ATP8B4: variants seen among roughly 807,000 people sequenced by gnomAD.
ATP8B4 encodes the protein ATPase phospholipid transporting 8B4 (putative).
A neutral mutation model predicts 145.6 loss-of-function variants in ATP8B4; 133 were observed. The observed-to-expected ratio is 0.91, with a 90% CI of 0.79 to 1.05. ATP8B4 has a LOEUF of 1.05. ATP8B4 is among the 50% of genes least tolerant of loss of function. The pLI is 0.00. For missense variants in ATP8B4, 1,458 were observed against 1,425.2 expected (o/e 1.02, Z -0.37); for synonymous variants, 507 against 492.9 (o/e 1.03, Z -0.38).
At chr15:50,166,270 AG>A (rs1400984363) in intron 1 of ATP8B4, among the ~76,000 whole-genome samples, 1 of 152,216 alleles carries the variant, frequency 6.6e-6, no homozygotes, top group Non-Finnish European at 1.5e-5. Context: ...AAGAAATGTT[AG>A]GGGAAATTCC....
At chr15:49,955,256 A>G (rs1450735670) in intron 14 of ATP8B4, among the ~76,000 whole-genome samples, 1 of 152,202 alleles carries the variant, frequency 6.6e-6, no homozygotes, top group Admixed American at 6.5e-5. Context: ...GTTCAACTGT[A>G]TCCCAAACCT....
intron 3 of ATP8B4, among the ~76,000 whole-genome samples, chr15:50,061,839 T>C (rs960494254): frequency 6.6e-5 from 10 of 152,292 alleles, no homozygotes; most frequent in South Asian, 4.1e-4. Context: ...TTCATTCTCT[T>C]TGAAAGACAT....
chr15:49,950,321 C>G (rs933531103), intron 14 of ATP8B4, among the ~76,000 whole-genome samples: 4 of 152,008 alleles, frequency 2.6e-5, no homozygotes, highest in Admixed American at 6.6e-5. Context: ...CTATTAATTA[C>G]TGCCTCAATT....
At chr15:50,047,603 G>C (rs1026757329) in intron 3 of ATP8B4, 139 bp from the exon 4 acceptor site, 1 of 634,924 alleles carries the variant, frequency 1.6e-6, no homozygotes, top group Non-Finnish European at 2.8e-6. Context: ...TGTGGCTCAA[G>C]GCCTTCATTT....
intron 1 of ATP8B4, among the ~76,000 whole-genome samples, chr15:50,161,917 T>C (rs904016112): frequency 6.6e-6 from 1 of 152,230 alleles, no homozygotes; most frequent in Non-Finnish European, 1.5e-5. Context: ...TTCTTTCAGA[T>C]TGAAGAACTC....
At chr15:50,013,093 A>C (rs2048836996) in intron 6 of ATP8B4, among the ~76,000 whole-genome samples, 1 of 152,178 alleles carries the variant, frequency 6.6e-6, no homozygotes, top group Non-Finnish European at 1.5e-5. Context: ...ACTGACAATA[A>C]TACATAAAAA....
intron 25 of ATP8B4, among the ~76,000 whole-genome samples, chr15:49,869,461 A>G (rs921608949): frequency 6.6e-6 from 1 of 152,148 alleles, no homozygotes; most frequent in Non-Finnish European, 1.5e-5. Context: ...ACTAAAAAAA[A>G]GCAAGAGAAG....
chr15:50,071,005 T>C (rs7172725), intron 3 of ATP8B4, among the ~76,000 whole-genome samples: 6,909 of 152,246 alleles, frequency 0.045, 196 homozygotes, highest in African/African-American at 0.078. Context: ...ACTCCCAAAG[T>C]TCTGGGATTA....
intron 14 of ATP8B4, among the ~76,000 whole-genome samples, chr15:49,950,627 A>AAC (rs2043015443): frequency 2.2e-5 from 3 of 137,838 alleles, no homozygotes; most frequent in South Asian, 4.6e-4. Flanking sequence ...AACAAAAAAA[A>AAC]CAACAACAAC....
rs2037514803 is a variant in ATP8B4, at chr15:49,897,371, A to G, written c.2618T>C (p.Leu873Ser). 4 of 1,614,030 alleles carry G rather than the reference A, an allele frequency of 2.5e-6. No homozygotes were observed. In the East Asian group the frequency reaches 8.9e-5, roughly 36 times the overall value. ...RWSYFRMCKF[L>S]CYFFYKNFAF... ...AAAATTCTTATAGAAGAAATAGCAT[A>G]AGAATTTGCACATTCGGAAATAAGA... Residue 873 changes from leucine (L) to serine (S), a missense_variant, in exon 23 of 28, where the codon TTA becomes TCA. Transcript: ENST00000284509.
intron 17 of ATP8B4, among the ~76,000 whole-genome samples, chr15:49,920,740 T>C (rs916039015): frequency 6.6e-6 from 1 of 152,212 alleles, no homozygotes; most frequent in Non-Finnish European, 1.5e-5. Flanking sequence ...TATATTTGTT[T>C]CCAATCTGTC....
intron 3 of ATP8B4, among the ~76,000 whole-genome samples, chr15:50,049,287 C>T (rs2051982444): frequency 6.6e-6 from 1 of 152,182 alleles, no homozygotes; most frequent in Non-Finnish European, 1.5e-5. Flanking sequence ...TTTTTCAACC[C>T]TTACCCCACC....
chr15:49,883,059 G>A (rs1396958075), intron 23 of ATP8B4: 1 of 152,136 alleles, frequency 6.6e-6, no homozygotes, highest in Non-Finnish European at 1.5e-5. Flanking sequence ...CAGTATCTCT[G>A]GGAGAAGGAT....
rs748152515 is a variant in ATP8B4, at chr15:50,044,676, G to A, written c.218C>T (p.Ser73Phe). The A allele has an allele frequency of 9.9e-6, 16 of 1,612,020 alleles. No individual in the cohort carries two copies. Among genetic ancestry groups the A allele is most frequent in the Admixed American group, 6.7e-5 (4 of 59,846 alleles). Residue 73 changes from serine to phenylalanine, a missense_variant, in exon 5 of 28, where the codon TCC (serine) becomes TTC (phenylalanine). By Grantham distance (155) the Ser-to-Phe change is radical. Coordinates refer to ENST00000284509, the MANE Select transcript of ATP8B4 (RefSeq NM_024837.4). ...AATGGTGGTAAACCAGGTCAAGGAG[G>A]AAATTTCTGGAATTAGCTGAAACAA... ...LLILQLIPEI[S>F]SLTWFTTIVP...
At chr15:50,018,789 C>A in intron 6 of ATP8B4, 1 of 553,240 alleles carries the variant, frequency 1.8e-6, no homozygotes. Flanking sequence ...TTCTCAGAAT[C>A]ATAATTTAAC....
intron 14 of ATP8B4, among the ~76,000 whole-genome samples, chr15:49,954,372 G>C (rs530012764): frequency 2.2e-4 from 34 of 152,234 alleles, no homozygotes; most frequent in African/African-American, 8.2e-4. Context: ...CACAGCAAGA[G>C]AACCATCAAG....
At chr15:49,965,121 C>T (rs1444970344) in intron 13 of ATP8B4, among the ~76,000 whole-genome samples, 3 of 152,050 alleles carry the variant, frequency 2.0e-5, no homozygotes, top group African/African-American at 7.2e-5. Flanking sequence ...TTGTGGAAGT[C>T]CAGGTTGGAA....
intron 12 of ATP8B4, among the ~76,000 whole-genome samples, chr15:49,977,247 C>G (rs1270068431): frequency 2.6e-5 from 4 of 152,196 alleles, no homozygotes; most frequent in African/African-American, 9.6e-5. Flanking sequence ...ACAGAAATAC[C>G]TGGGTGTTCT....
intron 1 of ATP8B4, among the ~76,000 whole-genome samples, chr15:50,138,326 G>A (rs376818318): frequency 5.7e-4 from 84 of 148,222 alleles, no homozygotes; most frequent in African/African-American, 1.9e-3. Context: ...AGATAGATAG[G>A]TAGATAGATA....
Sources: allele counts gnomAD v4.1 joint callset (sites outside exome capture counted in the v4.1 genomes callset), GRCh38; gene constraint gnomAD v4.1.1; transcripts MANE v1.5; gene names NCBI Gene and HGNC (gene_info 2026-07-23, HGNC 2026-07-21).